TLK1: variants seen among roughly 807,000 people sequenced by gnomAD.
TLK1 encodes serine/threonine-protein kinase tousled-like 1.
Under a neutral mutation model 105.3 loss-of-function variants are expected in TLK1, and 24 were observed. That is an observed-to-expected ratio of 0.23 (90% confidence interval 0.17 to 0.32). TLK1 has a LOEUF of 0.32. Ranked by LOEUF, TLK1 falls within the 10% of genes least tolerant of loss-of-function variation. TLK1 has a pLI of 1.00. For synonymous variants in TLK1, 321 were observed against 310.4 expected, an observed-to-expected ratio of 1.03 and a Z score of -0.36; for missense variants, 558 against 910.5, an observed-to-expected ratio of 0.61 and a Z score of 4.98.
chr2:171,198,994 G>A (rs1321460106), intron 1 of TLK1, among the ~76,000 whole-genome samples: 2 of 152,136 alleles, frequency 1.3e-5, no homozygotes, highest in Non-Finnish European at 2.9e-5. Context: ...CTCAAGTCCT[G>A]TCCATCCAAT....
At position 171,101,248 on chromosome 2, in the gene TLK1, A is replaced by G. The variant is rs558931596; in HGVS notation, c.258+16491T>C. On this transcript the variant is annotated intron_variant, in intron 2 of 20. Coordinates refer to ENST00000431350, the MANE Select transcript of TLK1 (RefSeq NM_012290.5). ...GTAATCCCAGCTACTCAGGAGGCTG[A>G]GGCAGGAGAATCACTTGAACCCAGA... Among the ~76,000 whole-genome samples, 261 of 149,684 alleles carry G rather than the reference A, an allele frequency of 1.7e-3. 1 individual carries two copies. Among genetic ancestry groups the G allele is most frequent in the Non-Finnish European group, 3.4e-3 (229 of 67,640 alleles).
At chr2:171,196,638 A>G (rs1693281116) in intron 1 of TLK1, among the ~76,000 whole-genome samples, 1 of 152,216 alleles carries the variant, frequency 6.6e-6, no homozygotes, top group African/African-American at 2.4e-5. Flanking sequence ...AAGTCAGTGC[A>G]GAAGAATGGT....
At chr2:171,032,990 T>C (rs1187916197) in intron 11 of TLK1, among the ~76,000 whole-genome samples, 6 of 152,128 alleles carry the variant, frequency 3.9e-5, no homozygotes, top group African/African-American at 1.4e-4. Flanking sequence ...GGTGGATCAC[T>C]TGAGGCCAGG....
chr2:171,116,487 G>A (rs1475846130), intron 2 of TLK1, among the ~76,000 whole-genome samples: 2 of 152,096 alleles, frequency 1.3e-5, no homozygotes, highest in Non-Finnish European at 2.9e-5. Context: ...GATCACCTGA[G>A]GTCAGGAGTT....
At chr2:171,107,080 A>G (rs184812656) in intron 2 of TLK1, among the ~76,000 whole-genome samples, 1 of 152,306 alleles carries the variant, frequency 6.6e-6, no homozygotes, top group Admixed American at 6.5e-5. Context: ...CAAGACACTG[A>G]ATACTTTGAT....
At chr2:171,127,531 TGTTA>T (rs978150985) in intron 1 of TLK1, among the ~76,000 whole-genome samples, 14 of 152,166 alleles carry the variant, frequency 9.2e-5, no homozygotes, top group Admixed American at 2.6e-4. Context: ...TAAATGAACA[TGTTA>T]GTTAAATGAG....
At chr2:171,208,105 A>C (rs1399578301) in intron 1 of TLK1, among the ~76,000 whole-genome samples, 1 of 152,130 alleles carries the variant, frequency 6.6e-6, no homozygotes, top group South Asian at 2.1e-4. Flanking sequence ...AATTAGTCTG[A>C]TTTAGTCTTC....
intron 2 of TLK1, among the ~76,000 whole-genome samples, chr2:171,085,640 T>A (rs1010032701): frequency 6.6e-6 from 1 of 152,180 alleles, no homozygotes; most frequent in African/African-American, 2.4e-5. Context: ...AAATCCATTT[T>A]AAACACATGG....
chr2:171,180,420 A>G (rs546228797), intron 1 of TLK1, among the ~76,000 whole-genome samples: 15 of 152,294 alleles, frequency 9.8e-5, no homozygotes, highest in Middle Eastern at 3.4e-3. Context: ...AAGGAGACCA[A>G]TTGTTTTCTC....
intron 1 of TLK1, among the ~76,000 whole-genome samples, chr2:171,230,365 G>C (rs1015253194): frequency 1.3e-5 from 2 of 152,206 alleles, no homozygotes; most frequent in Non-Finnish European, 2.9e-5. Context: ...GATAAGATCT[G>C]TGACATTAGA....
intron 1 of TLK1, among the ~76,000 whole-genome samples, chr2:171,118,743 ATT>A (rs1690535516): frequency 6.6e-6 from 1 of 152,216 alleles, no homozygotes; most frequent in Non-Finnish European, 1.5e-5. Flanking sequence ...AGGTAAGGAT[ATT>A]ACCAGAATCC....
intron 2 of TLK1, among the ~76,000 whole-genome samples, chr2:171,104,219 T>A (rs565721739): frequency 6.0e-5 from 9 of 150,188 alleles, no homozygotes; most frequent in African/African-American, 2.0e-4. Context: ...GAGGTTGCAG[T>A]GAGCCGAGAT....
chr2:171,081,244 CTATAACT>C (rs1208609758), intron 3 of TLK1, among the ~76,000 whole-genome samples: 1 of 152,114 alleles, frequency 6.6e-6, no homozygotes, highest in Non-Finnish European at 1.5e-5. Context: ...AATATTAAAT[CTATAACT>C]TATATTTGGA....
chr2:171,197,798 C>T (rs551090607), intron 1 of TLK1, among the ~76,000 whole-genome samples: 1 of 151,800 alleles, frequency 6.6e-6, no homozygotes, highest in Non-Finnish European at 1.5e-5. Context: ...ACCAAACAAA[C>T]AAAAAACAAT....
intron 3 of TLK1, among the ~76,000 whole-genome samples, chr2:171,072,699 C>T (rs1012419318): frequency 6.6e-6 from 1 of 151,884 alleles, no homozygotes; most frequent in Non-Finnish European, 1.5e-5. Flanking sequence ...GCTCAGGAGG[C>T]GGAGGGTGCA....
intron 1 of TLK1, among the ~76,000 whole-genome samples, chr2:171,156,028 T>C (rs773429824): frequency 2.0e-4 from 31 of 152,348 alleles, no homozygotes; most frequent in African/African-American, 6.0e-4. Flanking sequence ...AGACTTCCTG[T>C]AGGTCCTAGA....
intron 20 of TLK1, among the ~76,000 whole-genome samples, chr2:170,995,178 A>AT (rs1396612242): frequency 6.6e-6 from 1 of 152,110 alleles, no homozygotes; most frequent in Non-Finnish European, 1.5e-5. Context: ...ATCAAGACTG[A>AT]TATGTTAGAG....
At chr2:171,178,757 A>T (rs1476238396) in intron 1 of TLK1, among the ~76,000 whole-genome samples, 1 of 152,240 alleles carries the variant, frequency 6.6e-6, no homozygotes, top group African/African-American at 2.4e-5. Flanking sequence ...CTTTTTGTTA[A>T]GCAGTTATAG....
At chr2:171,056,709 AC>A in intron 5 of TLK1, 143 bp from the exon 6 acceptor site, 1 of 541,176 alleles carries the variant, frequency 1.8e-6, no homozygotes, top group Non-Finnish European at 3.2e-6. Context: ...AAAAAAAAAA[AC>A]ACAAGGTCAG....
Sources: allele counts gnomAD v4.1 joint callset (sites outside exome capture counted in the v4.1 genomes callset), GRCh38; gene constraint gnomAD v4.1.1; transcripts MANE v1.5; gene names NCBI Gene and HGNC (gene_info 2026-07-23, HGNC 2026-07-21).